TRIM67: variants seen among roughly 807,000 people sequenced by gnomAD.
TRIM67 encodes tripartite motif-containing protein 67.
Under a neutral mutation model 71.0 loss-of-function variants are expected in TRIM67, and 39 were observed. The ratio of observed to expected loss-of-function variants is 0.55; its 90% CI spans 0.43 to 0.72. The LOEUF is 0.72. Ranked by LOEUF, TRIM67 falls within the 30% of genes least tolerant of loss-of-function variation. TRIM67 has a pLI of 0.00. For missense variants in TRIM67, 973 were observed against 1,079.2 expected (o/e 0.90, Z 1.38); for synonymous variants, 481 against 473.9 (o/e 1.01, Z -0.19).
chr1:231,219,841 G>C lies in TRIM67; in HGVS notation c.*4401G>C. The stretch of plus-strand genomic sequence containing the variant: ...TGGCAGTTCCTCCCAGAAGATCAAA[G>C]GATCCTGCAGCTTTAACCTAATATC... On this transcript the variant is annotated 3_prime_UTR_variant, in exon 10 of 10. Transcript: ENST00000366653. 1 of 1,287,178 alleles carries C rather than the reference G, an allele frequency of 7.8e-7. No individual in the cohort carries two copies. Among genetic ancestry groups the C allele is most frequent in the Non-Finnish European group, 1.0e-6 (1 of 987,308 alleles). 79.7% of individuals were successfully genotyped at this position (1,287,178 alleles called of 1,614,324 possible).
At chr1:231,174,740 C>A (rs768488868) in intron 1 of TRIM67, among the ~76,000 whole-genome samples, 4 of 152,164 alleles carry the variant, frequency 2.6e-5, no homozygotes, top group Admixed American at 6.5e-5. Flanking sequence ...ATTTCCCTTC[C>A]CTCAGCTACT....
intron 1 of TRIM67, among the ~76,000 whole-genome samples, chr1:231,189,006 T>C (rs1476783429): frequency 2.0e-5 from 3 of 152,200 alleles, no homozygotes; most frequent in Non-Finnish European, 4.4e-5. Flanking sequence ...GGTTCTGTGA[T>C]GGATCTTGTC....
rs1336434065 is a variant in TRIM67 at position 231,209,128 on chromosome 1, C to T, written c.2001C>T (p.Ala667=). ...VDRYDNHPDP[A]FGVARASVVK... ...GGTACGACAACCACCCAGACCCCGC[C>T]TTCGGGGTGGCCAGGGCCAGCGTGG... is the stretch of plus-strand genomic sequence containing the variant. The change falls in exon 8 of 10, where the codon GCC becomes GCT. Residue 667 remains alanine, a synonymous_variant. Transcript: ENST00000366653. The surrounding 1 kb of genome is among the most constrained non-coding windows in gnomAD (Gnocchi z 4.1). The T allele has an allele frequency of 2.5e-6, 4 of 1,614,002 alleles. No homozygotes were observed. Among genetic ancestry groups the T allele is most frequent in the Non-Finnish European group, 1.7e-6 (2 of 1,179,872 alleles).
chr1:231,164,903 ACGT>A (rs1316576528), intron 1 of TRIM67, among the ~76,000 whole-genome samples: 3 of 152,242 alleles, frequency 2.0e-5, no homozygotes, highest in African/African-American at 7.2e-5. Flanking sequence ...TAATGAGCAT[ACGT>A]TGTTATTATA....
chr1:231,181,347 C>T (rs1289896329), intron 1 of TRIM67, among the ~76,000 whole-genome samples: 3 of 152,304 alleles, frequency 2.0e-5, no homozygotes, highest in South Asian at 4.1e-4. Context: ...AAATGAGAAG[C>T]TCCTTCAGCC....
chr1:231,182,619 A>T (rs1428322803), intron 1 of TRIM67, among the ~76,000 whole-genome samples: 1 of 152,176 alleles, frequency 6.6e-6, no homozygotes, highest in African/African-American at 2.4e-5. Flanking sequence ...GATGAATGGC[A>T]AGGGCACAGG....
intron 1 of TRIM67, among the ~76,000 whole-genome samples, chr1:231,169,645 C>A (rs180969938): frequency 6.6e-6 from 1 of 152,238 alleles, no homozygotes; most frequent in East Asian, 1.9e-4. Context: ...TCCCAAAGTG[C>A]TGGGATTACA....
chr1:231,192,962 T>G (rs867248381), intron 1 of TRIM67, among the ~76,000 whole-genome samples: 2 of 152,178 alleles, frequency 1.3e-5, no homozygotes, highest in African/African-American at 4.8e-5. Flanking sequence ...AGCTCCTTGG[T>G]CTTCTTGCCA....
chr1:231,187,128 C>G (rs919188560), intron 1 of TRIM67, among the ~76,000 whole-genome samples: 1 of 152,138 alleles, frequency 6.6e-6, no homozygotes, highest in Non-Finnish European at 1.5e-5. Context: ...TGTTGGATCC[C>G]TCTTTATATT....
At chr1:231,177,539 T>C (rs1682787591) in intron 1 of TRIM67, among the ~76,000 whole-genome samples, 1 of 152,208 alleles carries the variant, frequency 6.6e-6, no homozygotes, top group Non-Finnish European at 1.5e-5. Flanking sequence ...AGCTGATTAC[T>C]CTCTGGTCTC....
intron 1 of TRIM67, among the ~76,000 whole-genome samples, chr1:231,168,898 G>C (rs1181707328): frequency 6.6e-6 from 1 of 152,162 alleles, no homozygotes; most frequent in African/African-American, 2.4e-5. Flanking sequence ...CTTTCCAGGG[G>C]GCCTGAAGTC....
chr1:231,163,600 T>C lies in TRIM67; in HGVS notation c.631T>C (p.Cys211Arg). Residue 211 changes from cysteine (C) to arginine (R), a missense_variant, in exon 1 of 10, where the codon TGC (cysteine) becomes CGC (arginine). Physicochemically the swap from Cys to Arg is radical, Grantham distance 180. Coordinates refer to ENST00000366653, the MANE Select transcript of TRIM67 (RefSeq NM_001004342.5). ...AAAAVAICQL[C>R]DRTPPEPAAT... Reference sequence around the variant, plus strand: ...CGCGGCGGTGGCCATCTGCCAGCTGTGCGACCGCACCCCGCCAGAGCCAGC... The same window carrying C: ...CGCGGCGGTGGCCATCTGCCAGCTGCGCGACCGCACCCCGCCAGAGCCAGC... 1.3e-6 allele frequency: 2 copies of C among 1,517,506 alleles called. No individual in the cohort carries two copies. The highest frequency in any genetic ancestry group is 8.8e-7 in the Non-Finnish European group (1 of 1,137,176). The allele number at this position is 1,517,506 out of a possible 1,614,324, so 94.0% of individuals were successfully genotyped here.
At chr1:231,202,427 CAAG>C (rs1683580495) in intron 5 of TRIM67, among the ~76,000 whole-genome samples, 1 of 152,098 alleles carries the variant, frequency 6.6e-6, no homozygotes, top group Admixed American at 6.5e-5. Context: ...GTCCCAAGAG[CAAG>C]AAGGTCAGAG....
Position 231,204,002 on chromosome 1 carries a change from G to T in TRIM67, c.1670G>T (p.Gly557Val), listed in dbSNP as rs1479160932. 6.2e-7 allele frequency: 1 copy of T among 1,613,980 alleles called. No homozygotes were observed. Among genetic ancestry groups the T allele is most frequent in the Non-Finnish European group, 8.5e-7 (1 of 1,179,884 alleles). ...YILELDDGAGGQFREVYVGKE... is the reference protein window; with the variant it reads ...YILELDDGAGVQFREVYVGKE... ...CTGGAGCTGGACGACGGTGCCGGGG[G>T]ACAGTTCCGGGTGAGGCCTTGCTGC... is the stretch of plus-strand genomic sequence containing the variant. The change falls in exon 6 of 10, where the codon GGA becomes GTA. Residue 557 changes from glycine to valine, a missense_variant. Coordinates refer to ENST00000366653, the MANE Select transcript of TRIM67 (RefSeq NM_001004342.5).
At chr1:231,182,324 G>A (rs1017465065) in intron 1 of TRIM67, among the ~76,000 whole-genome samples, 2 of 152,144 alleles carry the variant, frequency 1.3e-5, no homozygotes, top group Non-Finnish European at 2.9e-5. Context: ...CTGTCCAGGA[G>A]GATAAGGTGG....
chr1:231,164,171 A>G (rs541056122), intron 1 of TRIM67, among the ~76,000 whole-genome samples, 158 bp downstream of exon 1: 93 of 152,342 alleles, frequency 6.1e-4, no homozygotes, highest in Non-Finnish European at 1.0e-3. Context: ...TAGTCATTTG[A>G]CAAACAGGTA....
intron 5 of TRIM67, among the ~76,000 whole-genome samples, chr1:231,202,109 G>GGTAGTA (rs1284607055): frequency 1.1e-5 from 1 of 93,608 alleles, no homozygotes; most frequent in Non-Finnish European, 2.6e-5. Context: ...AGGAGGAGGA[G>GGTAGTA]GAGGTAATGG....
At chr1:231,200,088 G>T in intron 3 of TRIM67, 60 bp from the exon 4 acceptor site, 1 of 1,310,544 alleles carries the variant, frequency 7.6e-7, no homozygotes, top group South Asian at 1.2e-5. Flanking sequence ...TGACTCTTGC[G>T]GTGGCCTGCC....
At chr1:231,167,022 T>G (rs559863517) in intron 1 of TRIM67, among the ~76,000 whole-genome samples, 9 of 152,316 alleles carry the variant, frequency 5.9e-5, no homozygotes, top group Non-Finnish European at 8.8e-5. Context: ...AATGTCAACA[T>G]CTATAACTCC....
Sources: allele counts gnomAD v4.1 joint callset (sites outside exome capture counted in the v4.1 genomes callset), GRCh38; gene constraint gnomAD v4.1.1; non-coding constraint Gnocchi (gnomAD v3.1); transcripts MANE v1.5; gene names NCBI Gene and HGNC (gene_info 2026-07-23, HGNC 2026-07-21).